Variants in KLHL1 observed in about 807,000 individuals in gnomAD.
The protein encoded by KLHL1 is kelch-like protein 1.
KLHL1 carries 47 observed loss-of-function variants against 77.7 expected under a neutral mutation model. That is an observed-to-expected ratio of 0.60 (90% confidence interval 0.48 to 0.77). The LOEUF is 0.77. Ranked by LOEUF, KLHL1 falls within the 30% of genes least tolerant of loss-of-function variation. The pLI, the probability that KLHL1 is intolerant of heterozygous loss-of-function variation, is 0.00. For synonymous variants in KLHL1, 360 were observed against 325.2 expected (o/e 1.11, Z -1.15); for missense variants, 925 against 910.8 (o/e 1.02, Z -0.20).
intron 1 of KLHL1, among the ~76,000 whole-genome samples, chr13:69,988,808 T>C (rs1884945319): frequency 6.6e-6 from 1 of 152,134 alleles, no homozygotes; most frequent in Non-Finnish European, 1.5e-5. Flanking sequence ...ATGGTGTTGT[T>C]TGATTTTTGT....
At chr13:69,872,218 G>A (rs1355101291) in intron 5 of KLHL1, among the ~76,000 whole-genome samples, 1 of 152,126 alleles carries the variant, frequency 6.6e-6, no homozygotes. Context: ...AGATCACATG[G>A]TAAGAGAGGA....
chr13:69,723,615 G>T (rs1034726059), intron 8 of KLHL1, among the ~76,000 whole-genome samples: 1 of 152,018 alleles, frequency 6.6e-6, no homozygotes, highest in African/African-American at 2.4e-5. Flanking sequence ...ATCTCATTCA[G>T]GCCATGATAG....
Position 70,054,845 on chromosome 13 carries a change from TG to T in KLHL1, c.497+52357del, listed in dbSNP as rs534232775. ...AGCATTAAGAGAGAATTAGTGAGCTTGGAGACAAGTTATTTGAATATATACA... is the reference window on the plus strand; with the variant it reads ...AGCATTAAGAGAGAATTAGTGAGCTTGAGACAAGTTATTTGAATATATACA... On this transcript the variant is annotated intron_variant, in intron 1 of 10. Transcript: ENST00000377844. Among the ~76,000 whole-genome samples, 556 of 151,342 alleles carry T rather than the reference TG, an allele frequency of 3.7e-3. 5 individuals carry two copies. The highest frequency in any genetic ancestry group is 0.013 in the African/African-American group (526 of 41,296).
At chr13:69,986,689 T>C (rs1467626176) in intron 1 of KLHL1, among the ~76,000 whole-genome samples, 1 of 152,012 alleles carries the variant, frequency 6.6e-6, no homozygotes. Flanking sequence ...TATCCAAATA[T>C]GTATATTCAG....
At chr13:69,927,957 T>G (rs924789742) in intron 4 of KLHL1, among the ~76,000 whole-genome samples, 2 of 152,170 alleles carry the variant, frequency 1.3e-5, no homozygotes, top group African/African-American at 4.8e-5. Context: ...AGTCAAGCTA[T>G]CCTCACAGGA....
intron 1 of KLHL1, among the ~76,000 whole-genome samples, chr13:70,027,735 G>T (rs1231974154): frequency 6.8e-6 from 1 of 146,902 alleles, no homozygotes; most frequent in African/African-American, 2.5e-5. Flanking sequence ...TGCATCCCGT[G>T]AGTGAGAAAC....
chr13:70,001,653 TCTATTATC>T (rs1447981819), intron 1 of KLHL1, among the ~76,000 whole-genome samples: 4 of 124,130 alleles, frequency 3.2e-5, no homozygotes, highest in African/African-American at 1.2e-4. Flanking sequence ...GGGATATCTA[TCTATTATC>T]TATCTATCTA....
chr13:70,060,182 TGATCATAAGA>T lies in KLHL1; in HGVS notation c.497+47011_497+47020del, dbSNP rs528014318. Among the ~76,000 whole-genome samples, 242 of 152,324 alleles carry T rather than the reference TGATCATAAGA, an allele frequency of 1.6e-3. 1 individual carries two copies. The highest frequency in any genetic ancestry group is 5.7e-3 in the African/African-American group (236 of 41,564). ...TGTATGAAAAGGTGCTTAACATCAT[TGATCATAAGA>T]GATCATAAGAGAAATAATGAGACAT... On this transcript the variant is annotated intron_variant, in intron 1 of 10. Transcript: ENST00000377844.
chr13:69,862,060 C>T (rs989975975), intron 5 of KLHL1, among the ~76,000 whole-genome samples: 1 of 151,360 alleles, frequency 6.6e-6, no homozygotes, highest in Non-Finnish European at 1.5e-5. Flanking sequence ...TGAATATTAT[C>T]GTTGTTTAGT....
chr13:70,045,014 C>T (rs1886461790), intron 1 of KLHL1, among the ~76,000 whole-genome samples: 1 of 152,116 alleles, frequency 6.6e-6, no homozygotes, highest in Admixed American at 6.5e-5. Flanking sequence ...ACACCTAACT[C>T]TCACGGGTGC....
At chr13:69,932,831 A>C (rs2482568) in intron 4 of KLHL1, among the ~76,000 whole-genome samples, 134,622 of 151,662 alleles carry the variant, frequency 0.89, 60,218 homozygotes, top group Non-Finnish European at 0.95. Context: ...CACGAGTACA[A>C]ATTGCCTGTA....
chr13:70,020,264 C>G (rs1309394148), intron 1 of KLHL1, among the ~76,000 whole-genome samples: 1 of 152,096 alleles, frequency 6.6e-6, no homozygotes, highest in East Asian at 1.9e-4. Flanking sequence ...ATAGTGGCAT[C>G]AATATGCAAA....
chr13:69,808,157 C>T (rs1877698488), intron 6 of KLHL1, among the ~76,000 whole-genome samples: 1 of 152,122 alleles, frequency 6.6e-6, no homozygotes, highest in Admixed American at 6.6e-5. Flanking sequence ...CCTCACTAAA[C>T]TGCTGCAGAC....
intron 1 of KLHL1, among the ~76,000 whole-genome samples, chr13:70,067,895 G>A (rs1887048478): frequency 6.6e-6 from 1 of 152,062 alleles, no homozygotes; most frequent in Admixed American, 6.5e-5. Context: ...ATGTATTGAA[G>A]AACTGGGAAG....
chr13:70,012,337 A>G (rs1470733562), intron 1 of KLHL1, among the ~76,000 whole-genome samples: 1 of 152,174 alleles, frequency 6.6e-6, no homozygotes, highest in Non-Finnish European at 1.5e-5. Context: ...CAGGCTGGAA[A>G]CTAGAAATTG....
intron 1 of KLHL1, among the ~76,000 whole-genome samples, chr13:69,980,089 T>C (rs1884664703): frequency 6.6e-6 from 1 of 152,198 alleles, no homozygotes; most frequent in Admixed American, 6.5e-5. Flanking sequence ...ACCAACATGC[T>C]TTACTGTTCT....
intron 1 of KLHL1, among the ~76,000 whole-genome samples, chr13:70,104,542 G>T (rs1412331611): frequency 1.3e-5 from 2 of 152,026 alleles, no homozygotes; most frequent in Non-Finnish European, 2.9e-5. Context: ...AAAACTAAAT[G>T]AATAAAGAGA....
intron 7 of KLHL1, among the ~76,000 whole-genome samples, chr13:69,789,880 A>T (rs902578317): frequency 1.3e-5 from 2 of 152,074 alleles, no homozygotes; most frequent in Non-Finnish European, 2.9e-5. Flanking sequence ...AGCAACATTA[A>T]GTAAGTTTGG....
chr13:70,024,642 C>CTTTCTCTCTT (rs1454526084), intron 1 of KLHL1, among the ~76,000 whole-genome samples: 1 of 147,378 alleles, frequency 6.8e-6, no homozygotes, highest in East Asian at 2.0e-4. Flanking sequence ...CTCTCTCTCT[C>CTTTCTCTCTT]TCTCTCTCTC....
Sources: allele counts gnomAD v4.1 joint callset (sites outside exome capture counted in the v4.1 genomes callset), GRCh38; gene constraint gnomAD v4.1.1; transcripts MANE v1.5; gene names NCBI Gene and HGNC (gene_info 2026-07-23, HGNC 2026-07-21).